MYO3B: variants seen among roughly 807,000 people sequenced by gnomAD.
The protein encoded by MYO3B is myosin IIIB, also known as myosin-IIIb.
MYO3B carries 156 observed loss-of-function variants against 174.6 expected under a neutral mutation model. The ratio of observed to expected loss-of-function variants is 0.89; its 90% CI spans 0.78 to 1.02. The LOEUF (loss-of-function observed/expected upper bound fraction) is 1.02. MYO3B is among the 50% of genes least tolerant of loss of function. MYO3B has a pLI of 0.00. For synonymous variants in MYO3B, 563 were observed against 569.1 expected, an observed-to-expected ratio of 0.99 and a Z score of 0.15; for missense variants, 1,632 against 1,639.4, an observed-to-expected ratio of 1.00 and a Z score of 0.08.
chr2:170,421,246 G>A lies in MYO3B; in HGVS notation c.2650+13402G>A, dbSNP rs1232617301. On this transcript the variant is annotated intron_variant, in intron 22 of 34. Coordinates refer to ENST00000408978, the MANE Select transcript of MYO3B (RefSeq NM_138995.5). ...CTATTTTAATAAGTTGTGAAATTCA[G>A]AAGGCGCTCCATTCAGAACTTCATA... Among the ~76,000 whole-genome samples, 5 of 152,320 alleles carry A rather than the reference G, an allele frequency of 3.3e-5. No individual in the cohort carries two copies. The East Asian group carries it at 9.6e-4, about 29-fold the overall frequency.
chr2:170,557,438 GA>G (rs144355487), intron 32 of MYO3B, among the ~76,000 whole-genome samples: 1 of 152,122 alleles, frequency 6.6e-6, no homozygotes, highest in Non-Finnish European at 1.5e-5. Flanking sequence ...AAAACTCCTG[GA>G]AAAACTAGAA....
chr2:170,522,358 T>C (rs1688723296), intron 30 of MYO3B, among the ~76,000 whole-genome samples: 1 of 152,152 alleles, frequency 6.6e-6, no homozygotes, highest in South Asian at 2.1e-4. Context: ...ATAAACACTG[T>C]CTTGTGACCT....
intron 32 of MYO3B, among the ~76,000 whole-genome samples, chr2:170,610,393 T>C (rs1347548575): frequency 6.6e-6 from 1 of 152,130 alleles, no homozygotes; most frequent in Non-Finnish European, 1.5e-5. Context: ...AATTGCTGAA[T>C]GAGCTGATTT....
intron 7 of MYO3B, among the ~76,000 whole-genome samples, chr2:170,301,035 G>C (rs1574745201): frequency 6.6e-6 from 1 of 152,178 alleles, no homozygotes; most frequent in Non-Finnish European, 1.5e-5. Context: ...TTTGTGTCTT[G>C]CCTGTTGAGA....
intron 32 of MYO3B, among the ~76,000 whole-genome samples, chr2:170,593,008 C>T (rs914401304): frequency 1.3e-5 from 2 of 151,874 alleles, no homozygotes; most frequent in Non-Finnish European, 2.9e-5. Flanking sequence ...TAGATGGATA[C>T]ATAGATACAT....
At chr2:170,227,540 C>A (rs1052276600) in intron 6 of MYO3B, among the ~76,000 whole-genome samples, 3 of 152,200 alleles carry the variant, frequency 2.0e-5, no homozygotes, top group Non-Finnish European at 4.4e-5. Context: ...CTGTTTTGGC[C>A]TCTCAAAGTG....
intron 6 of MYO3B, among the ~76,000 whole-genome samples, chr2:170,222,662 A>G (rs2092913785): frequency 6.6e-6 from 1 of 152,216 alleles, no homozygotes; most frequent in African/African-American, 2.4e-5. Context: ...ACCCTACTCC[A>G]GTATGACCTC....
At chr2:170,458,895 T>C (rs1286977946) in intron 23 of MYO3B, among the ~76,000 whole-genome samples, 1 of 152,216 alleles carries the variant, frequency 6.6e-6, no homozygotes, top group Non-Finnish European at 1.5e-5. Context: ...TCCAATAACA[T>C]ATTGTGAATT....
chr2:170,247,855 A>G (rs1426511801), intron 7 of MYO3B, among the ~76,000 whole-genome samples: 4 of 152,246 alleles, frequency 2.6e-5, no homozygotes, highest in Non-Finnish European at 5.9e-5. Flanking sequence ...ACTGGTGATT[A>G]GATTTCAACC....
chr2:170,490,496 C>A (rs1371942667), intron 25 of MYO3B, among the ~76,000 whole-genome samples: 1 of 151,888 alleles, frequency 6.6e-6, no homozygotes, highest in Non-Finnish European at 1.5e-5. Context: ...CAAATTAAGA[C>A]AATTCTACTT....
chr2:170,451,779 T>G (rs1210812056), intron 23 of MYO3B, among the ~76,000 whole-genome samples: 1 of 152,172 alleles, frequency 6.6e-6, no homozygotes, highest in Non-Finnish European at 1.5e-5. Context: ...GTGGAGCCCT[T>G]GGAGGAATAG....
At chr2:170,453,625 T>TG (rs1269839333) in intron 23 of MYO3B, among the ~76,000 whole-genome samples, 1 of 152,138 alleles carries the variant, frequency 6.6e-6, no homozygotes, top group Non-Finnish European at 1.5e-5. Flanking sequence ...ACCATAGCTG[T>TG]GGGGACCAAG....
rs375685460 is a variant in MYO3B, at chr2:170,383,826, C to T, written c.1290+12C>T. ...TCAGCAAAGACCAGGTAAGAACTCACCTTCCTTTCCTACGGAGTCACCCAG... is the reference window on the plus strand; with the variant it reads ...TCAGCAAAGACCAGGTAAGAACTCATCTTCCTTTCCTACGGAGTCACCCAG... On this transcript the variant is annotated intron_variant, in intron 12 of 34. Coordinates refer to ENST00000408978, the MANE Select transcript of MYO3B (RefSeq NM_138995.5). 131 of 1,590,572 alleles carry T rather than the reference C, an allele frequency of 8.2e-5. No individual in the cohort carries two copies. In the African/African-American group the frequency reaches 1.6e-3, roughly 19 times the overall value.
chr2:170,321,579 AAGG>A (rs2093826730), intron 7 of MYO3B, among the ~76,000 whole-genome samples: 1 of 152,206 alleles, frequency 6.6e-6, no homozygotes, highest in Non-Finnish European at 1.5e-5. Context: ...TAGTGAAAAG[AAGG>A]AGACCAGACA....
chr2:170,557,209 G>T (rs891743921), intron 32 of MYO3B, among the ~76,000 whole-genome samples: 1 of 148,626 alleles, frequency 6.7e-6, no homozygotes, highest in Admixed American at 6.8e-5. Flanking sequence ...GCACGATCTC[G>T]GCTCACTGCA....
At chr2:170,509,953 A>T (rs1178093329) in intron 28 of MYO3B, among the ~76,000 whole-genome samples, 1 of 152,208 alleles carries the variant, frequency 6.6e-6, no homozygotes, top group Non-Finnish European at 1.5e-5. Context: ...TTCAAACCTC[A>T]ACACGATGAG....
intron 1 of MYO3B, among the ~76,000 whole-genome samples, chr2:170,194,288 T>C (rs2092574084): frequency 6.6e-6 from 1 of 152,152 alleles, no homozygotes; most frequent in Admixed American, 6.5e-5. Flanking sequence ...GAGGATCACT[T>C]GAGCCCAGGA....
intron 28 of MYO3B, among the ~76,000 whole-genome samples, chr2:170,514,199 A>T (rs1033780547): frequency 1.3e-5 from 2 of 152,234 alleles, no homozygotes; most frequent in African/African-American, 4.8e-5. Context: ...GAGGTAAAAG[A>T]TGTTGGAACA....
At chr2:170,352,001 A>C (rs370674090) in intron 8 of MYO3B, among the ~76,000 whole-genome samples, 13 of 152,278 alleles carry the variant, frequency 8.5e-5, no homozygotes, top group African/African-American at 3.1e-4. Flanking sequence ...CGCCCAGGCT[A>C]GAGTGCAGTG....
Sources: gnomAD v4.1 joint callset for allele counts (sites outside exome capture counted in the v4.1 genomes callset) on GRCh38, gnomAD v4.1.1 for gene constraint, MANE v1.5 for transcripts, NCBI Gene and HGNC (gene_info 2026-07-23, HGNC 2026-07-21) for gene names.